ROBO2: variants seen among roughly 807,000 people sequenced by gnomAD.
The protein encoded by ROBO2 is roundabout guidance receptor 2, also known as roundabout homolog 2.
A neutral mutation model predicts 160.8 loss-of-function variants in ROBO2; 53 were observed. That is an observed-to-expected ratio of 0.33 (90% CI 0.26 to 0.41). ROBO2 has a LOEUF of 0.41. Among genes scored for constraint, ROBO2 ranks in the 10% least tolerant of loss-of-function variants. The probability of loss-of-function intolerance (pLI) is 1.00; values close to 1 mark genes in which losing one functional copy is unlikely to be tolerated. For synonymous variants in ROBO2, 664 were observed against 611.7 expected, an observed-to-expected ratio of 1.09 and a Z score of -1.26; for missense variants, 1,577 against 1,722.4, an observed-to-expected ratio of 0.92 and a Z score of 1.49.
At chr3:76,846,692 T>C (rs9867723) in intron 2 of ROBO2, among the ~76,000 whole-genome samples, 23,677 of 152,172 alleles carry the variant, frequency 0.16, 2,119 homozygotes, top group East Asian at 0.36. Flanking sequence ...AAATAACCTA[T>C]GTGCTTAAAC....
rs2075340551 is a variant in ROBO2, at chr3:76,358,931, C to T, written c.109+421329C>T. On this transcript the variant is annotated intron_variant, in intron 2 of 26. Transcript: ENST00000487694. Reference sequence around the variant, plus strand: ...ATGCTATCCCTCCCCCCTCCCCCCACCCCACAACAGTCCCCGGTGTGTGAT... The same window carrying T: ...ATGCTATCCCTCCCCCCTCCCCCCATCCCACAACAGTCCCCGGTGTGTGAT... Among the ~76,000 whole-genome samples the T allele has an allele frequency of 2.4e-5, 3 of 124,592 alleles. No homozygotes were observed. In the South Asian group the frequency reaches 9.3e-4, roughly 38 times the overall value. The allele number at this position is 124,592 out of a possible 152,430, so 81.7% of individuals were successfully genotyped here.
chr3:75,919,718 G>A (rs542725858), intron 1 of ROBO2, among the ~76,000 whole-genome samples: 56 of 152,200 alleles, frequency 3.7e-4, no homozygotes, highest in African/African-American at 1.3e-3. Flanking sequence ...TTCAGAACTT[G>A]TTATTGGTCT....
At chr3:77,019,698 CT>C (rs2062505494) in intron 2 of ROBO2, among the ~76,000 whole-genome samples, 1 of 152,186 alleles carries the variant, frequency 6.6e-6, no homozygotes, top group Non-Finnish European at 1.5e-5. Flanking sequence ...GATTTTATCA[CT>C]TTTAGTTTAA....
At chr3:77,065,085 A>G (rs1482270525) in intron 1 of ROBO2, among the ~76,000 whole-genome samples, 1 of 152,192 alleles carries the variant, frequency 6.6e-6, no homozygotes, top group Non-Finnish European at 1.5e-5. Flanking sequence ...AAGTAAATCA[A>G]CTAGAAAAAA....
intron 2 of ROBO2, among the ~76,000 whole-genome samples, chr3:75,981,333 C>T (rs77222086): frequency 0.029 from 4,451 of 151,430 alleles, 213 homozygotes; most frequent in African/African-American, 0.095. Context: ...TTATCTATCT[C>T]CTATAGCCTA....
rs1158457510 is a variant in ROBO2, at chr3:75,937,841, TTATATATATATA to T, written c.109+261_109+272del. Among the ~76,000 whole-genome samples the T allele has an allele frequency of 1.6e-3, 173 of 105,510 alleles. 7 individuals are homozygous for T. Among genetic ancestry groups the T allele is most frequent in the African/African-American group, 6.9e-3 (165 of 23,878 alleles). The allele number at this position is 105,510 out of a possible 152,430, so 69.2% of individuals were successfully genotyped here. ...TGGCTTTTATCTGTTGGAATTGATT[TTATATATATATA>T]TATATATATATATATATATATGAGG... On this transcript the variant is annotated intron_variant, in intron 2 of 26. Coordinates refer to the ROBO2 transcript ENST00000487694.
chr3:77,290,203 G>C, intron 2 of ROBO2, among the ~76,000 whole-genome samples: 1 of 150,294 alleles, frequency 6.7e-6, no homozygotes, highest in Non-Finnish European at 1.5e-5. Flanking sequence ...GGTTAAACGG[G>C]TAATCTGAGG....
At chr3:76,960,295 A>G (rs953214451) in intron 2 of ROBO2, among the ~76,000 whole-genome samples, 4 of 152,134 alleles carry the variant, frequency 2.6e-5, no homozygotes, top group Admixed American at 2.6e-4. Context: ...AGAGCTCAAT[A>G]TTCAGAAGAA....
intron 2 of ROBO2, among the ~76,000 whole-genome samples, chr3:76,086,960 G>T (rs1470847853): frequency 1.3e-5 from 2 of 152,086 alleles, no homozygotes; most frequent in Non-Finnish European, 2.9e-5. Context: ...CTCTGAGCTG[G>T]AGAATATGAC....
intron 2 of ROBO2, among the ~76,000 whole-genome samples, chr3:77,391,239 C>T (rs2074694460): frequency 6.6e-6 from 1 of 152,100 alleles, no homozygotes; most frequent in African/African-American, 2.4e-5. Context: ...TATTCAAAGT[C>T]AAGTTTTCAT....
chr3:76,069,349 T>C (rs202036757), intron 2 of ROBO2, among the ~76,000 whole-genome samples: 1 of 149,468 alleles, frequency 6.7e-6, no homozygotes, highest in East Asian at 2.0e-4. Context: ...TTTCTATTTT[T>C]CCCAGATTCA....
intron 2 of ROBO2, among the ~76,000 whole-genome samples, chr3:76,401,970 C>A (rs1180650227): frequency 6.6e-6 from 1 of 151,272 alleles, no homozygotes; most frequent in African/African-American, 2.4e-5. Context: ...TTGATCAGTA[C>A]GAGAGGATAA....
chr3:77,563,955 T>C (rs2093408381), intron 11 of ROBO2, among the ~76,000 whole-genome samples: 1 of 152,126 alleles, frequency 6.6e-6, no homozygotes, highest in African/African-American at 2.4e-5. Flanking sequence ...AAAATTGTCC[T>C]ATGAAAATTT....
rs552821936 is a variant in ROBO2 at position 76,599,541 on chromosome 3, T to TTATATTCCTTTGGGTA, written c.110-498468_110-498453dup. Reference sequence around the variant, plus strand: ...ATATGTGTCTTTATGACAGAAAGACTTATATTCCTTTGGGTATATACCCAA... The same window carrying TTATATTCCTTTGGGTA: ...ATATGTGTCTTTATGACAGAAAGACTTATATTCCTTTGGGTATATATTCCTTTGGGTATATACCCAA... On this transcript the variant is annotated intron_variant, in intron 2 of 26. Coordinates refer to the ROBO2 transcript ENST00000487694. Among the ~76,000 whole-genome samples the TTATATTCCTTTGGGTA allele has an allele frequency of 2.8e-4, 43 of 152,326 alleles. 1 individual carries two copies. The East Asian group carries it at 8.3e-3, about 29-fold the overall frequency.
chr3:76,448,627 A>G (rs576210203), intron 2 of ROBO2, among the ~76,000 whole-genome samples: 1 of 152,338 alleles, frequency 6.6e-6, no homozygotes, highest in Non-Finnish European at 1.5e-5. Flanking sequence ...TAGCCATTAT[A>G]AAATGTATTC....
chr3:76,793,421 G>C (rs1481701748), intron 2 of ROBO2, among the ~76,000 whole-genome samples: 1 of 151,748 alleles, frequency 6.6e-6, no homozygotes, highest in East Asian at 1.9e-4. Flanking sequence ...TACGAGGTTT[G>C]GTGAACAGGA....
intron 2 of ROBO2, among the ~76,000 whole-genome samples, chr3:77,019,514 A>G (rs1428570091): frequency 6.6e-6 from 1 of 152,180 alleles, no homozygotes; most frequent in Non-Finnish European, 1.5e-5. Flanking sequence ...GGCAGGAAGA[A>G]GAGCTCCTTG....
chr3:76,323,922 C>T (rs868518853), intron 2 of ROBO2, among the ~76,000 whole-genome samples: 1 of 152,128 alleles, frequency 6.6e-6, no homozygotes, highest in Non-Finnish European at 1.5e-5. Context: ...TTGAACTCCT[C>T]TCAATAAAAG....
At chr3:77,469,121 A>C (rs904595998) in intron 2 of ROBO2, among the ~76,000 whole-genome samples, 1 of 152,232 alleles carries the variant, frequency 6.6e-6, no homozygotes, top group African/African-American at 2.4e-5. Flanking sequence ...TTAAAACTTC[A>C]GAAAAATACA....
Sources: gnomAD v4.1 joint callset for allele counts (sites outside exome capture counted in the v4.1 genomes callset) on GRCh38, gnomAD v4.1.1 for gene constraint, MANE v1.5 for transcripts, NCBI Gene and HGNC (gene_info 2026-07-23, HGNC 2026-07-21) for gene names.